The following CYB5B variants were observed in gnomAD, a reference collection of about 807,000 sequenced individuals.
The protein encoded by CYB5B is cytochrome b5 type B.
CYB5B carries 14 observed loss-of-function variants against 21.3 expected under a neutral mutation model. That is an observed-to-expected ratio of 0.66 (90% confidence interval 0.43 to 1.03). The LOEUF (loss-of-function observed/expected upper bound fraction) is 1.03, where lower values mean the gene tolerates loss of function less well. Ranked by LOEUF, CYB5B falls within the 50% of genes least tolerant of loss-of-function variation. CYB5B has a pLI of 0.00. For missense variants in CYB5B, 166 were observed against 185.1 expected (o/e 0.90, Z 0.60); for synonymous variants, 69 against 68.4 (o/e 1.01, Z -0.04).
At chr16:69,429,476 C>T (rs865452) in intron 1 of CYB5B, among the ~76,000 whole-genome samples, 54,011 of 152,006 alleles carry the variant, frequency 0.36, 10,609 homozygotes, top group Admixed American at 0.46. Context: ...TTACAGCATA[C>T]TGATTGGTGC....
In CYB5B at chr16:69,465,692, A is replaced by G. The variant is rs528332897; in HGVS notation, c.*3172A>G. On this transcript the variant is annotated 3_prime_UTR_variant, in exon 5 of 5. Coordinates refer to ENST00000307892, the MANE Select transcript of CYB5B (RefSeq NM_030579.3). ...ATCTCCTGCTTTAAAATCTCAAGCG[A>G]TATCTATCTGGTTAAATTCCATTTT... 6 of 152,296 alleles carry G rather than the reference A, an allele frequency of 3.9e-5. No individual in the cohort carries two copies. The highest frequency in any genetic ancestry group is 3.3e-4 in the Admixed American group (5 of 15,302). 9.4% of individuals were successfully genotyped at this position (152,296 alleles called of 1,614,324 possible). A position where few individuals can be genotyped will look rare whatever the true frequency, so the allele number is the denominator to read the frequency against.
At chr16:69,425,640 A>T (rs1164094014) in intron 1 of CYB5B, among the ~76,000 whole-genome samples, 1 of 152,104 alleles carries the variant, frequency 6.6e-6, no homozygotes, top group Non-Finnish European at 1.5e-5. Context: ...GTACATTTTG[A>T]TGAGTTTTGA....
At chr16:69,439,160 T>C (rs2014793900) in intron 1 of CYB5B, among the ~76,000 whole-genome samples, 1 of 152,196 alleles carries the variant, frequency 6.6e-6, no homozygotes, top group Non-Finnish European at 1.5e-5. Flanking sequence ...GGGTAGGGGT[T>C]CAACCTTTCC....
At chr16:69,459,420 G>A in intron 4 of CYB5B, 1 of 286,910 alleles carries the variant, frequency 3.5e-6, no homozygotes, top group Non-Finnish European at 6.4e-6. Flanking sequence ...GCTACTATTG[G>A]GTCAGCCTTT....
intron 3 of CYB5B, among the ~76,000 whole-genome samples, chr16:69,454,097 C>T (rs1158834535): frequency 2.0e-5 from 3 of 152,106 alleles, no homozygotes; most frequent in Non-Finnish European, 4.4e-5. Flanking sequence ...AATGTTATAA[C>T]AAATTTTTCA....
Position 69,462,727 on chromosome 16 carries a change from T to C in CYB5B, c.*207T>C, listed in dbSNP as rs910214669. 2 of 537,764 alleles carry C rather than the reference T, an allele frequency of 3.7e-6. No homozygotes were observed. Among genetic ancestry groups the C allele is most frequent in the African/African-American group, 3.8e-5 (2 of 52,586 alleles). 33.3% of individuals were successfully genotyped at this position (537,764 alleles called of 1,614,324 possible). On this transcript the variant is annotated 3_prime_UTR_variant, in exon 5 of 5. Transcript: ENST00000307892. Reference sequence around the variant, plus strand: ...TTACTCCCAAAGTACCTGCTCACTGTTCCGTGTTGAACAATTGCCGGTGTT... The same window carrying C: ...TTACTCCCAAAGTACCTGCTCACTGCTCCGTGTTGAACAATTGCCGGTGTT...
At chr16:69,450,485 G>A (rs1023088589) in intron 3 of CYB5B, among the ~76,000 whole-genome samples, 1 of 152,092 alleles carries the variant, frequency 6.6e-6, no homozygotes, top group African/African-American at 2.4e-5. Context: ...TCTACTTCAG[G>A]CAGATCAGGC....
intron 2 of CYB5B, 103 bp downstream of exon 2, chr16:69,447,381 C>A: frequency 6.8e-7 from 1 of 1,467,052 alleles, no homozygotes; most frequent in South Asian, 1.3e-5. Context: ...GTGGCTCACA[C>A]CTGTCATCCC....
chr16:69,453,228 TTTAAAG>T (rs1188762238), intron 3 of CYB5B, among the ~76,000 whole-genome samples: 8 of 152,136 alleles, frequency 5.3e-5, no homozygotes, highest in African/African-American at 1.7e-4. Flanking sequence ...ATTAATTGCA[TTTAAAG>T]TTACATTTTT....
At chr16:69,454,166 G>A (rs552471249) in intron 3 of CYB5B, among the ~76,000 whole-genome samples, 2 of 152,192 alleles carry the variant, frequency 1.3e-5, no homozygotes, top group South Asian at 4.1e-4. Flanking sequence ...TCTTGAGTGA[G>A]GTGTTATATA....
At chr16:69,442,825 C>CTTTTTTTTTT (rs11436895) in intron 1 of CYB5B, among the ~76,000 whole-genome samples, 3 of 136,158 alleles carry the variant, frequency 2.2e-5, no homozygotes, top group Non-Finnish European at 3.2e-5. Context: ...CCTAGCTATC[C>CTTTTTTTTTT]TTTTTTTTTT....
intron 1 of CYB5B, among the ~76,000 whole-genome samples, chr16:69,438,969 A>G (rs2014791807): frequency 6.6e-6 from 1 of 151,924 alleles, no homozygotes. Flanking sequence ...AGTCCAATTT[A>G]TCTGTTTTTT....
intron 1 of CYB5B, among the ~76,000 whole-genome samples, chr16:69,434,777 C>G (rs1475105742): frequency 6.6e-6 from 1 of 150,630 alleles, no homozygotes; most frequent in South Asian, 2.1e-4. Flanking sequence ...GCAGGAGAAT[C>G]GCTTGAACCC....
At chr16:69,430,380 T>C (rs940791779) in intron 1 of CYB5B, among the ~76,000 whole-genome samples, 3 of 152,024 alleles carry the variant, frequency 2.0e-5, no homozygotes. Flanking sequence ...CACACCCTGC[T>C]AATTTTTTTG....
chr16:69,459,177 T>A (rs1470561287), intron 4 of CYB5B, 56 bp downstream of exon 4: 1 of 1,577,950 alleles, frequency 6.3e-7, no homozygotes, highest in South Asian at 1.2e-5. Flanking sequence ...GGCAAGAGAC[T>A]CTTCCATAAG....
chr16:69,442,448 C>G (rs1295290538), intron 1 of CYB5B, among the ~76,000 whole-genome samples: 1 of 152,156 alleles, frequency 6.6e-6, no homozygotes, highest in East Asian at 1.9e-4. Flanking sequence ...AAACCTGGCT[C>G]AGATAAGAAT....
At chr16:69,438,534 T>C (rs2014784975) in intron 1 of CYB5B, among the ~76,000 whole-genome samples, 1 of 123,388 alleles carries the variant, frequency 8.1e-6, no homozygotes, top group Non-Finnish European at 1.7e-5. Flanking sequence ...ATCCCATTTT[T>C]CGATTTTTTT....
At chr16:69,432,678 A>G (rs1301781749) in intron 1 of CYB5B, among the ~76,000 whole-genome samples, 1 of 152,202 alleles carries the variant, frequency 6.6e-6, no homozygotes, top group Non-Finnish European at 1.5e-5. Flanking sequence ...TTCTCTTTTA[A>G]GCCTCCCAAC....
At chr16:69,448,307 T>A in intron 3 of CYB5B, 163 bp downstream of exon 3, 1 of 735,800 alleles carries the variant, frequency 1.4e-6, no homozygotes, top group Non-Finnish European at 2.3e-6. Flanking sequence ...ATCTCAGGAA[T>A]AAAAGAATAG....
Sources: allele counts gnomAD v4.1 joint callset (sites outside exome capture counted in the v4.1 genomes callset), GRCh38; gene constraint gnomAD v4.1.1; transcripts MANE v1.5; gene names NCBI Gene and HGNC (gene_info 2026-07-23, HGNC 2026-07-21).